CLASP1: variants seen among roughly 807,000 people sequenced by gnomAD.
The protein encoded by CLASP1 is CLIP-associating protein 1.
In CLASP1, 38 loss-of-function variants were observed where a neutral mutation model predicts 192.3. The ratio of observed to expected loss-of-function variants is 0.20; its 90% CI spans 0.15 to 0.26. The LOEUF (loss-of-function observed/expected upper bound fraction) is 0.26. CLASP1 is among the 10% of genes least tolerant of loss of function. CLASP1 has a pLI of 1.00. For synonymous variants in CLASP1, 691 were observed against 712.8 expected, an observed-to-expected ratio of 0.97 and a Z score of 0.49; for missense variants, 1,433 against 1,932.5, an observed-to-expected ratio of 0.74 and a Z score of 4.85.
intron 2 of CLASP1, among the ~76,000 whole-genome samples, chr2:121,547,486 T>C (rs536957142): frequency 2.6e-4 from 40 of 151,430 alleles, no homozygotes; most frequent in African/African-American, 9.0e-4. Context: ...ACTGCTGACC[T>C]GCATGTCTCT....
At chr2:121,396,246 T>C (rs2075267614) in intron 30 of CLASP1, among the ~76,000 whole-genome samples, 1 of 152,068 alleles carries the variant, frequency 6.6e-6, no homozygotes, top group Non-Finnish European at 1.5e-5. Context: ...CACCTCACAA[T>C]GGGAAAGGAG....
At chr2:121,487,504 C>G (rs1559403828) in intron 8 of CLASP1, among the ~76,000 whole-genome samples, 1 of 152,168 alleles carries the variant, frequency 6.6e-6, no homozygotes, top group East Asian at 1.9e-4. Context: ...TTCAGGACAC[C>G]ACATTACATT....
chr2:121,362,779 T>C (rs976274697), intron 37 of CLASP1, among the ~76,000 whole-genome samples: 4 of 152,208 alleles, frequency 2.6e-5, no homozygotes, highest in Non-Finnish European at 4.4e-5. Flanking sequence ...CAAGAAGGCA[T>C]TGGTTCTGGG....
At chr2:121,386,862 G>A (rs1020759304) in intron 32 of CLASP1, among the ~76,000 whole-genome samples, 1 of 152,164 alleles carries the variant, frequency 6.6e-6, no homozygotes, top group Admixed American at 6.5e-5. Flanking sequence ...TTAGTTGTAG[G>A]TACTATTAGG....
exon 38 of CLASP1, chr2:121,348,626 C>A: frequency 6.2e-7 from 1 of 1,613,894 alleles, no homozygotes; most frequent in Middle Eastern, 1.6e-4. Context: ...GGTAGTCGGC[C>A]GTCTGGATGA....
intron 14 of CLASP1, among the ~76,000 whole-genome samples, chr2:121,455,300 G>A (rs1419750805): frequency 6.6e-6 from 1 of 152,056 alleles, no homozygotes; most frequent in Non-Finnish European, 1.5e-5. Flanking sequence ...CAACTACTAG[G>A]TATATATCCC....
intron 22 of CLASP1, among the ~76,000 whole-genome samples, chr2:121,422,380 C>T (rs2079650081): frequency 6.6e-6 from 1 of 152,104 alleles, no homozygotes; most frequent in Non-Finnish European, 1.5e-5. Flanking sequence ...AAAACCTTAA[C>T]ATTTAAAATA....
intron 2 of CLASP1, among the ~76,000 whole-genome samples, chr2:121,535,902 T>C (rs2095053456): frequency 6.6e-6 from 1 of 151,882 alleles, no homozygotes; most frequent in Non-Finnish European, 1.5e-5. Flanking sequence ...ACTCAAGCGA[T>C]CCGACTGTGT....
At chr2:121,485,005 A>T (rs2092873260) in intron 8 of CLASP1, among the ~76,000 whole-genome samples, 1 of 152,218 alleles carries the variant, frequency 6.6e-6, no homozygotes, top group Non-Finnish European at 1.5e-5. Flanking sequence ...TCTGTGATAA[A>T]GGCAAAGAAG....
At chr2:121,368,573 G>A (rs899685136) in intron 34 of CLASP1, among the ~76,000 whole-genome samples, 4 of 152,078 alleles carry the variant, frequency 2.6e-5, no homozygotes, top group African/African-American at 7.2e-5. Context: ...GTCCTCTGCT[G>A]TGGGGCACAC....
intron 1 of CLASP1, among the ~76,000 whole-genome samples, chr2:121,648,524 GC>G (rs1185552618): frequency 6.6e-6 from 1 of 152,112 alleles, no homozygotes; most frequent in Non-Finnish European, 1.5e-5. Context: ...AATTTTAGAA[GC>G]AAACAACTAT....
Position 121,426,330 on chromosome 2 carries a change from C to T in CLASP1, c.2045-1024G>A, listed in dbSNP as rs901276623. ...TGAAAGAATAATTGTCCATGAAGATCTAATAATCACAAACCTTTATGCTCC... is the reference window on the plus strand; with the variant it reads ...TGAAAGAATAATTGTCCATGAAGATTTAATAATCACAAACCTTTATGCTCC... On this transcript the variant is annotated intron_variant, in intron 21 of 39. Transcript: ENST00000263710. 3.9e-5 allele frequency among the ~76,000 whole-genome samples: 6 copies of T among 152,028 alleles called. No individual in the cohort carries two copies. The South Asian group carries it at 1.2e-3, about 32-fold the overall frequency.
chr2:121,574,327 CA>C (rs35418553), intron 2 of CLASP1, among the ~76,000 whole-genome samples: 23,962 of 120,628 alleles, frequency 0.2, 3,424 homozygotes, highest in African/African-American at 0.44. Context: ...GACTCCATCT[CA>C]AAAAAAAAAA....
chr2:121,496,996 C>T (rs984005649), intron 8 of CLASP1, among the ~76,000 whole-genome samples: 6 of 152,094 alleles, frequency 3.9e-5, no homozygotes, highest in African/African-American at 1.4e-4. Flanking sequence ...ATCACACATT[C>T]TCACTCATAT....
At chr2:121,354,297 T>C (rs529539081) in intron 37 of CLASP1, among the ~76,000 whole-genome samples, 2 of 152,336 alleles carry the variant, frequency 1.3e-5, no homozygotes, top group Admixed American at 1.3e-4. Context: ...ACTAGTTCTT[T>C]GGAAAAGAGA....
At chr2:121,530,580 T>C in intron 2 of CLASP1, 1 of 528,194 alleles carries the variant, frequency 1.9e-6, no homozygotes, top group Non-Finnish European at 3.4e-6. Flanking sequence ...CAAACCCGGG[T>C]TAGCTGCGGG....
At chr2:121,387,026 T>A in intron 32 of CLASP1, 96 bp downstream of exon 33, 1 of 987,126 alleles carries the variant, frequency 1.0e-6, no homozygotes, top group African/African-American at 1.6e-5. Context: ...ATTCTTTTTG[T>A]TATTTAGCTT....
At chr2:121,572,345 A>G (rs933649488) in intron 2 of CLASP1, among the ~76,000 whole-genome samples, 2 of 152,170 alleles carry the variant, frequency 1.3e-5, no homozygotes, top group African/African-American at 4.8e-5. Context: ...GGAGAATGGC[A>G]TGAACCCGGG....
Position 121,458,831 on chromosome 2 carries a change from C to A in CLASP1, c.1314+9G>T. On this transcript the variant is annotated intron_variant, in intron 13 of 39. Coordinates refer to ENST00000263710, the Ensembl canonical transcript of CLASP1. ...TGCTTATTTCAAGCATGGCCTATAA[C>A]ATACTTACCCGAATAATTAACCTAA... is the stretch of plus-strand genomic sequence containing the variant. 1 of 1,598,928 alleles carries A rather than the reference C, an allele frequency of 6.3e-7. No homozygotes were observed. Among genetic ancestry groups the A allele is most frequent in the Non-Finnish European group, 8.5e-7 (1 of 1,173,014 alleles).
Sources: gnomAD v4.1 joint callset for allele counts (sites outside exome capture counted in the v4.1 genomes callset) on GRCh38, gnomAD v4.1.1 for gene constraint, MANE v1.5 for transcripts, NCBI Gene and HGNC (gene_info 2026-07-23, HGNC 2026-07-21) for gene names.